The following MOSMO variants were observed in gnomAD, a reference collection of about 807,000 sequenced individuals.
The protein encoded by MOSMO is modulator of smoothened, also known as modulator of smoothened protein.
In MOSMO, 5 loss-of-function variants were observed where a neutral mutation model predicts 18.4. The observed-to-expected ratio is 0.27, with a 90% CI of 0.14 to 0.57. MOSMO has a LOEUF of 0.57. Among genes scored for constraint, MOSMO ranks in the 20% least tolerant of loss-of-function variants. MOSMO has a pLI of 0.92. For synonymous variants in MOSMO, 82 were observed against 82.3 expected (o/e 1.00, Z 0.02); for missense variants, 138 against 211.8 (o/e 0.65, Z 2.16).
At chr16:22,062,436 C>T (rs975187119) in intron 1 of MOSMO, among the ~76,000 whole-genome samples, 1 of 152,108 alleles carries the variant, frequency 6.6e-6, no homozygotes, top group African/African-American at 2.4e-5. Context: ...AATCCTCCCA[C>T]CTCAGCCTCT....
At chr16:22,009,160 C>A (rs1053034693) in intron 1 of MOSMO, among the ~76,000 whole-genome samples, 5 of 152,158 alleles carry the variant, frequency 3.3e-5, no homozygotes, top group Admixed American at 3.3e-4. Context: ...GGTTATAATT[C>A]TGCTTTATTT....
chr16:22,092,363 G>A (rs1901357625), downstream of MOSMO: 4 of 382,816 alleles, frequency 1.0e-5, no homozygotes, highest in South Asian at 1.1e-4. Flanking sequence ...CTGCTTCCAG[G>A]TTTTTGTGAG....
chr16:22,046,882 T>A (rs1275535321), intron 1 of MOSMO, among the ~76,000 whole-genome samples: 2 of 152,146 alleles, frequency 1.3e-5, no homozygotes, highest in Non-Finnish European at 2.9e-5. Context: ...GATTTGGAGC[T>A]TGCAGATAAA....
At chr16:22,055,374 T>C (rs887103552) in intron 1 of MOSMO, among the ~76,000 whole-genome samples, 3 of 152,192 alleles carry the variant, frequency 2.0e-5, no homozygotes, top group Non-Finnish European at 4.4e-5. Context: ...TAAGTGTTGA[T>C]ATACTGTTAT....
At chr16:22,037,313 C>T (rs1203087453) in intron 1 of MOSMO, among the ~76,000 whole-genome samples, 1 of 152,072 alleles carries the variant, frequency 6.6e-6, no homozygotes, top group African/African-American at 2.4e-5. Flanking sequence ...ATAGAAGCCA[C>T]GGGAAAATGT....
At position 22,084,050 on chromosome 16, in the gene MOSMO, C is replaced by T; in HGVS notation, c.*3170C>T. 1 of 211,560 alleles carries T rather than the reference C, an allele frequency of 4.7e-6. No homozygotes were observed. The highest frequency in any genetic ancestry group is 7.5e-5 in the South Asian group (1 of 13,368). 13.1% of individuals were successfully genotyped at this position (211,560 alleles called of 1,614,324 possible). ...CTTTTGCCTAAAGCTTTGATATCCC[C>T]ACTTGATGTTCTGTGAATTCACTGT... On this transcript the variant is annotated 3_prime_UTR_variant, in exon 3 of 3. Transcript: ENST00000542527.
chr16:22,021,206 C>A (rs1233744257), intron 1 of MOSMO, among the ~76,000 whole-genome samples: 1 of 152,152 alleles, frequency 6.6e-6, no homozygotes, highest in African/African-American at 2.4e-5. Flanking sequence ...ATGGTTACTG[C>A]TCGTTGAGGG....
intron 1 of MOSMO, among the ~76,000 whole-genome samples, chr16:22,029,155 C>G (rs1221028253): frequency 6.6e-6 from 1 of 152,160 alleles, no homozygotes; most frequent in East Asian, 1.9e-4. Context: ...CAGGTGTGAG[C>G]CACCACGCCT....
At chr16:22,010,054 G>A (rs1387963299) in intron 1 of MOSMO, among the ~76,000 whole-genome samples, 1 of 152,034 alleles carries the variant, frequency 6.6e-6, no homozygotes, top group African/African-American at 2.4e-5. Context: ...ATTACTTATG[G>A]TTCTGTATTT....
At chr16:22,014,040 G>A (rs1204339959) in intron 1 of MOSMO, among the ~76,000 whole-genome samples, 4 of 152,114 alleles carry the variant, frequency 2.6e-5, no homozygotes, top group East Asian at 1.9e-4. Context: ...GGCACGTGAC[G>A]TCCTACTCCT....
downstream of MOSMO, chr16:22,084,678 C>T (rs1307164068): frequency 2.0e-5 from 3 of 152,122 alleles, no homozygotes; most frequent in African/African-American, 7.2e-5. Flanking sequence ...TTGAAATAAG[C>T]TTCATTTAAA....
At chr16:22,055,575 C>T (rs1446836935) in intron 1 of MOSMO, among the ~76,000 whole-genome samples, 7 of 152,152 alleles carry the variant, frequency 4.6e-5, no homozygotes, top group Middle Eastern at 3.2e-3. Context: ...ACAAATCCAC[C>T]GGAGGCAAAT....
intron 1 of MOSMO, among the ~76,000 whole-genome samples, chr16:22,028,367 T>TA (rs1899920233): frequency 2.0e-5 from 2 of 98,926 alleles, no homozygotes. Flanking sequence ...ATCTTTTTTA[T>TA]GTTTTTTTTT....
At chr16:22,062,970 A>C (rs1162817289) in intron 1 of MOSMO, among the ~76,000 whole-genome samples, 2 of 152,122 alleles carry the variant, frequency 1.3e-5, no homozygotes, top group Non-Finnish European at 2.9e-5. Context: ...CTTCTGCCTC[A>C]GCCTTCTGAG....
intron 1 of MOSMO, among the ~76,000 whole-genome samples, chr16:22,039,593 G>C (rs1900172215): frequency 6.6e-6 from 1 of 152,182 alleles, no homozygotes; most frequent in African/African-American, 2.4e-5. Context: ...GCACTTTGGG[G>C]GGCCAAGGTG....
intron 1 of MOSMO, among the ~76,000 whole-genome samples, chr16:22,027,787 C>T (rs1899906432): frequency 6.6e-6 from 1 of 152,148 alleles, no homozygotes; most frequent in South Asian, 2.1e-4. Flanking sequence ...TGTGCAGTGA[C>T]AAGAAAATTG....
chr16:22,010,623 A>G (rs973520140), intron 1 of MOSMO, among the ~76,000 whole-genome samples: 6 of 152,180 alleles, frequency 3.9e-5, no homozygotes, highest in African/African-American at 1.4e-4. Context: ...CGTTCCTAAG[A>G]TGGAAAAGGG....
At chr16:22,045,655 C>T (rs1900292777) in intron 1 of MOSMO, among the ~76,000 whole-genome samples, 1 of 152,086 alleles carries the variant, frequency 6.6e-6, no homozygotes. Flanking sequence ...ATTTGGGATG[C>T]TCAACTGTAA....
At chr16:22,086,498 T>C (rs1901182107), downstream of MOSMO, among the ~76,000 whole-genome samples, 1 of 152,214 alleles carries the variant, frequency 6.6e-6, no homozygotes, top group South Asian at 2.1e-4. Flanking sequence ...TTTGTGTCTC[T>C]TTTTCTTATG....
Sources: gnomAD v4.1 joint callset for allele counts (sites outside exome capture counted in the v4.1 genomes callset) on GRCh38, gnomAD v4.1.1 for gene constraint, MANE v1.5 for transcripts, NCBI Gene and HGNC (gene_info 2026-07-23, HGNC 2026-07-21) for gene names.